USP15: variants seen among roughly 807,000 people sequenced by gnomAD.
USP15 encodes the protein ubiquitin carboxyl-terminal hydrolase 15.
USP15 carries 18 observed loss-of-function variants against 127.1 expected under a neutral mutation model. The ratio of observed to expected loss-of-function variants is 0.14; its 90% CI spans 0.10 to 0.21. The LOEUF is 0.21. USP15 is among the 10% of genes least tolerant of loss of function. The probability of loss-of-function intolerance (pLI) is 1.00; values close to 1 mark genes in which losing one functional copy is unlikely to be tolerated. For missense variants in USP15, 805 were observed against 1,159.9 expected (o/e 0.69, Z 4.44); for synonymous variants, 364 against 393.7 (o/e 0.92, Z 0.89).
In USP15 at chr12:62,410,701, A is replaced by T. The variant is rs2068017972; in HGVS notation, c.*6326A>T. 1 of 152,142 alleles carries T rather than the reference A, an allele frequency of 6.6e-6. No individual in the cohort carries two copies. The highest frequency in any genetic ancestry group is 2.4e-5 in the African/African-American group (1 of 41,438). 9.4% of individuals were successfully genotyped at this position (152,142 alleles called of 1,614,324 possible). A position where few individuals can be genotyped will look rare whatever the true frequency, so the allele number is the denominator to read the frequency against. ...TGAATTACTGTTTTCACAACCATAAAATTATGCTGGTCTCTTGAAAGTATT... is the reference window on the plus strand; with the variant it reads ...TGAATTACTGTTTTCACAACCATAATATTATGCTGGTCTCTTGAAAGTATT... On this transcript the variant is annotated 3_prime_UTR_variant, in exon 22 of 22. Coordinates refer to ENST00000280377, the MANE Select transcript of USP15 (RefSeq NM_001252078.2).
intron 3 of USP15, among the ~76,000 whole-genome samples, chr12:62,306,688 G>A (rs1012836732): frequency 1.3e-5 from 2 of 152,148 alleles, no homozygotes; most frequent in African/African-American, 2.4e-5. Flanking sequence ...CAATAAAACA[G>A]AGCCAATATT....
chr12:62,374,278 AT>A (rs994654163), intron 8 of USP15: 300 of 659,106 alleles, frequency 4.6e-4, no homozygotes, highest in Non-Finnish European at 5.2e-4. Flanking sequence ...AGGTATAGCC[AT>A]TTTTTTAAGG....
intron 1 of USP15, among the ~76,000 whole-genome samples, chr12:62,267,742 G>GGCTCTGAGGCCAGGGTATTCTAAGT (rs2063231997): frequency 6.6e-6 from 1 of 152,110 alleles, no homozygotes; most frequent in African/African-American, 2.4e-5. Context: ...GTTCAAGGGT[G>GGCTCTGAGGCCAGGGTATTCTAAGT]GCTCTGAGGC....
At chr12:62,265,113 A>G (rs2063161985) in intron 1 of USP15, among the ~76,000 whole-genome samples, 1 of 152,214 alleles carries the variant, frequency 6.6e-6, no homozygotes, top group South Asian at 2.1e-4. Flanking sequence ...CTAATAGTCC[A>G]GGAAGGTCCA....
intron 8 of USP15, among the ~76,000 whole-genome samples, chr12:62,367,134 G>C (rs946895963): frequency 1.6e-4 from 24 of 152,210 alleles, no homozygotes; most frequent in Admixed American, 7.9e-4. Flanking sequence ...TGTACCTCTG[G>C]TAGAATTCGG....
At chr12:62,344,663 T>C (rs185231565) in intron 6 of USP15, among the ~76,000 whole-genome samples, 1 of 152,208 alleles carries the variant, frequency 6.6e-6, no homozygotes, top group East Asian at 1.9e-4. Flanking sequence ...CTAGCAGAGG[T>C]TCTCCATGAG....
intron 6 of USP15, among the ~76,000 whole-genome samples, chr12:62,345,991 G>C (rs548400647): frequency 6.6e-6 from 1 of 152,108 alleles, no homozygotes; most frequent in Non-Finnish European, 1.5e-5. Context: ...ATGAGATTTG[G>C]GTGGGGACAC....
chr12:62,390,449 T>C (rs533801751), intron 14 of USP15, among the ~76,000 whole-genome samples: 5 of 152,182 alleles, frequency 3.3e-5, no homozygotes, highest in Non-Finnish European at 7.4e-5. Flanking sequence ...ATTATGAAGT[T>C]ATCAAGAATG....
At chr12:62,291,830 T>C (rs1316393742) in intron 1 of USP15, among the ~76,000 whole-genome samples, 1 of 152,216 alleles carries the variant, frequency 6.6e-6, no homozygotes, top group Non-Finnish European at 1.5e-5. Flanking sequence ...TATACTTGGC[T>C]TGTGAGCAGG....
intron 3 of USP15, chr12:62,303,345 T>G (rs1311826452): frequency 6.5e-6 from 1 of 152,720 alleles, no homozygotes; most frequent in Non-Finnish European, 1.5e-5. Context: ...TTTTTTAAAC[T>G]TGAAAATGTA....
intron 2 of USP15, among the ~76,000 whole-genome samples, chr12:62,295,692 A>G (rs915202135): frequency 1.1e-4 from 16 of 152,344 alleles, no homozygotes; most frequent in African/African-American, 3.4e-4. Context: ...TAAACACCTC[A>G]ACTAAAGGTA....
chr12:62,363,066 G>GA (rs2066364212), intron 8 of USP15, among the ~76,000 whole-genome samples: 1 of 152,152 alleles, frequency 6.6e-6, no homozygotes, highest in Non-Finnish European at 1.5e-5. Flanking sequence ...GCAAAAGCCA[G>GA]ATCATATAGG....
chr12:62,371,337 A>G (rs2066659188), intron 8 of USP15, among the ~76,000 whole-genome samples: 1 of 152,126 alleles, frequency 6.6e-6, no homozygotes, highest in South Asian at 2.1e-4. Flanking sequence ...AATACGTATT[A>G]TGTGGTGAGA....
chr12:62,265,956 C>T (rs997126774), intron 1 of USP15, among the ~76,000 whole-genome samples: 5 of 121,810 alleles, frequency 4.1e-5, no homozygotes, highest in Admixed American at 3.4e-4. Context: ...TATTTAGTAG[C>T]AGAATTCTAC....
Position 62,383,881 on chromosome 12 carries a change from G to A in USP15, c.1131G>A (p.Gln377=), listed in dbSNP as rs1458267689. ...TTGCACCTCAGTTCTCTGGATATCAGCAGCAAGACTGTCAAGAACTGTTAG... is the reference window on the plus strand; with the variant it reads ...TTGCACCTCAGTTCTCTGGATATCAACAGCAAGACTGTCAAGAACTGTTAG... ...GRFAPQFSGY[Q]QQDCQELLAF... The change falls in exon 10 of 22, where the codon CAG becomes CAA. Residue 377 remains glutamine, a synonymous_variant. Transcript: ENST00000280377. 1 of 1,612,744 alleles carries A rather than the reference G, an allele frequency of 6.2e-7. No homozygotes were observed. Among genetic ancestry groups the A allele is most frequent in the Admixed American group, 1.7e-5 (1 of 59,934 alleles).
At chr12:62,326,453 G>T (rs2065128562) in intron 6 of USP15, among the ~76,000 whole-genome samples, 1 of 152,112 alleles carries the variant, frequency 6.6e-6, no homozygotes, top group African/African-American at 2.4e-5. Context: ...CAAAACACAA[G>T]GCCAGTTGTG....
intron 19 of USP15, 107 bp from the exon 20 acceptor site, chr12:62,396,188 A>G (rs2067486610): frequency 1.7e-6 from 1 of 604,156 alleles, no homozygotes; most frequent in African/African-American, 1.9e-5. Flanking sequence ...ATATAGATGG[A>G]TAGATATAGA....
chr12:62,355,233 T>C (rs1280624658), intron 7 of USP15, 98 bp from the exon 8 acceptor site: 2 of 1,089,920 alleles, frequency 1.8e-6, no homozygotes, highest in Non-Finnish European at 2.5e-6. Flanking sequence ...AGAAATGTAA[T>C]GATCAACCAC....
At chr12:62,305,057 C>T (rs1457903028) in intron 3 of USP15, among the ~76,000 whole-genome samples, 1 of 151,788 alleles carries the variant, frequency 6.6e-6, no homozygotes, top group African/African-American at 2.4e-5. Context: ...CAGAAAAAAG[C>T]TAAGGCATAA....
Sources: gnomAD v4.1 joint callset for allele counts (sites outside exome capture counted in the v4.1 genomes callset) on GRCh38, gnomAD v4.1.1 for gene constraint, MANE v1.5 for transcripts, NCBI Gene and HGNC (gene_info 2026-07-23, HGNC 2026-07-21) for gene names.